Variants in BORCS5 observed in about 807,000 individuals in gnomAD.
The protein encoded by BORCS5 is BLOC-1-related complex subunit 5.
In BORCS5, 17 loss-of-function variants were observed where a neutral mutation model predicts 22.1. The observed-to-expected ratio is 0.77, with a 90% CI of 0.53 to 1.15. BORCS5 has a LOEUF of 1.15. Ranked by LOEUF, BORCS5 falls within the 50% of genes most tolerant of loss-of-function variation. The pLI, the probability that BORCS5 is intolerant of heterozygous loss-of-function variation, is 0.00. For missense variants in BORCS5, 247 were observed against 253.2 expected (o/e 0.98, Z 0.17); for synonymous variants, 117 against 99.8 (o/e 1.17, Z -1.03).
intron 2 of BORCS5, among the ~76,000 whole-genome samples, chr12:12,434,013 G>C (rs1942495704): frequency 6.6e-6 from 1 of 151,986 alleles, no homozygotes; most frequent in African/African-American, 2.4e-5. Flanking sequence ...GTGAGGAAGG[G>C]TTCCCAAGAT....
intron 2 of BORCS5, among the ~76,000 whole-genome samples, chr12:12,372,198 C>T (rs1394688394): frequency 6.6e-6 from 1 of 152,148 alleles, no homozygotes; most frequent in Non-Finnish European, 1.5e-5. Context: ...CGCCACCATG[C>T]CCAGCTAATT....
At position 12,465,783 on chromosome 12, in the gene BORCS5, C is replaced by T. The variant is rs1247832369; in HGVS notation, c.*7C>T. On this transcript the variant is annotated 3_prime_UTR_variant, in exon 4 of 4. Coordinates refer to ENST00000314565, the MANE Select transcript of BORCS5 (RefSeq NM_058169.6). ...CCGCGAGCTCAGGCTGTAGCTGCTGCCCGGCCTGCCTGGGGCTGGGAGCCC... is the reference window on the plus strand; with the variant it reads ...CCGCGAGCTCAGGCTGTAGCTGCTGTCCGGCCTGCCTGGGGCTGGGAGCCC... The T allele has an allele frequency of 6.2e-7, 1 of 1,606,618 alleles. No homozygotes were observed. The highest frequency in any genetic ancestry group is 8.5e-7 in the Non-Finnish European group (1 of 1,177,282).
At chr12:12,373,630 A>T (rs994740096) in intron 2 of BORCS5, among the ~76,000 whole-genome samples, 2 of 152,084 alleles carry the variant, frequency 1.3e-5, no homozygotes, top group African/African-American at 4.8e-5. Context: ...TACTTATAAG[A>T]CCCTCCTGCC....
At chr12:12,457,586 G>A (rs1469362077) in intron 3 of BORCS5, among the ~76,000 whole-genome samples, 4 of 152,116 alleles carry the variant, frequency 2.6e-5, no homozygotes, top group African/African-American at 7.2e-5. Context: ...GGAGAATGGC[G>A]TGAACCCCGG....
chr12:12,452,942 G>A (rs1414813706), intron 3 of BORCS5, among the ~76,000 whole-genome samples: 5 of 152,166 alleles, frequency 3.3e-5, no homozygotes, highest in Non-Finnish European at 7.3e-5. Context: ...GAGGTGGCAG[G>A]TGGGCTAGAA....
chr12:12,468,330 G>C lies in BORCS5; in HGVS notation c.*2554G>C, dbSNP rs941587677. On this transcript the variant is annotated 3_prime_UTR_variant, in exon 4 of 4. Transcript: ENST00000314565. ...TGGAACCTGGGAGTCTGAGTGATTT[G>C]TATTTCAAGAAGCAGTTATGCTGGA... The C allele has an allele frequency of 6.6e-6, 1 of 152,194 alleles. No homozygotes were observed. The highest frequency in any genetic ancestry group is 2.4e-5 in the African/African-American group (1 of 41,430). 9.4% of individuals were successfully genotyped at this position (152,194 alleles called of 1,614,324 possible).
At chr12:12,369,928 T>C (rs1202889762) in intron 2 of BORCS5, among the ~76,000 whole-genome samples, 2 of 151,760 alleles carry the variant, frequency 1.3e-5, no homozygotes, top group African/African-American at 4.8e-5. Flanking sequence ...TGTCACCATG[T>C]TGGTCAGGCT....
intron 2 of BORCS5, among the ~76,000 whole-genome samples, chr12:12,423,587 T>C (rs1255318106): frequency 1.3e-5 from 2 of 152,008 alleles, no homozygotes; most frequent in East Asian, 3.9e-4. Flanking sequence ...TACCACCTTA[T>C]GGCCCCCTAG....
At position 12,377,391 on chromosome 12, in the gene BORCS5, C is replaced by T. The variant is rs139008647; in HGVS notation, c.202+16042C>T. ...GATGGTTTTCACCATGTTGGCCAGG[C>T]TGGTCTCAAACTCCTGACCTCAGGT... On this transcript the variant is annotated intron_variant, in intron 2 of 3. Transcript: ENST00000314565. 9.3e-3 allele frequency among the ~76,000 whole-genome samples: 1,422 copies of T among 152,108 alleles called. 81 individuals carry two copies. In the East Asian group the frequency reaches 0.16, roughly 17 times the overall value.
intron 2 of BORCS5, among the ~76,000 whole-genome samples, chr12:12,427,733 G>A (rs575285871): frequency 1.1e-4 from 17 of 152,234 alleles, no homozygotes; most frequent in East Asian, 1.9e-4. Context: ...TCAAGGTGCC[G>A]GCAGATTTGC....
chr12:12,362,844 T>C (rs201069099), intron 2 of BORCS5, among the ~76,000 whole-genome samples: 2 of 150,382 alleles, frequency 1.3e-5, no homozygotes, highest in Non-Finnish European at 2.9e-5. Context: ...TGAGATGGGG[T>C]TTCACCATGT....
intron 2 of BORCS5, among the ~76,000 whole-genome samples, chr12:12,430,274 C>T (rs1942389834): frequency 6.6e-6 from 1 of 151,348 alleles, no homozygotes. Flanking sequence ...CCTCAGCCTC[C>T]CGAGTAGCTG....
At position 12,424,410 on chromosome 12, in the gene BORCS5, A is replaced by G. The variant is rs1942226456; in HGVS notation, c.203-11218A>G. ...TTTTAGGTTTTCTGTCTCTTTATTG[A>G]TATTTTCCATTTGTTTATACATTGT... On this transcript the variant is annotated intron_variant, in intron 2 of 3. Transcript: ENST00000314565. Among the ~76,000 whole-genome samples, 3 of 151,804 alleles carry G rather than the reference A, an allele frequency of 2.0e-5. No homozygotes were observed. In the South Asian group the frequency reaches 6.2e-4, roughly 32 times the overall value.
intron 2 of BORCS5, among the ~76,000 whole-genome samples, chr12:12,419,053 A>G (rs1240072378): frequency 6.6e-6 from 1 of 151,628 alleles, no homozygotes; most frequent in Non-Finnish European, 1.5e-5. Flanking sequence ...TCTTTTTTTA[A>G]AATTATTATA....
intron 2 of BORCS5, among the ~76,000 whole-genome samples, chr12:12,388,561 T>C (rs1477877139): frequency 6.6e-6 from 1 of 151,258 alleles, no homozygotes; most frequent in African/African-American, 2.4e-5. Flanking sequence ...AAGTATATTA[T>C]TAATGAAACA....
intron 2 of BORCS5, among the ~76,000 whole-genome samples, chr12:12,368,091 C>T (rs1377947723): frequency 1.3e-5 from 2 of 152,156 alleles, no homozygotes; most frequent in South Asian, 4.1e-4. Flanking sequence ...TGGACAGGCT[C>T]TCATATACAT....
rs4763832 is a variant in BORCS5 at position 12,469,202 on chromosome 12, A to G, written c.*3426A>G. The G allele has an allele frequency of 0.32, 48,900 of 152,088 alleles. 9,634 individuals carry two copies. The highest frequency in any genetic ancestry group is 0.47 in the South Asian group (2,281 of 4,818). 9.4% of individuals were successfully genotyped at this position (152,088 alleles called of 1,614,324 possible). ...ACCCCATCTCTACTAAAAAAAATAC[A>G]GAAATTACCCGGGCATGGTGGCTGG... On this transcript the variant is annotated 3_prime_UTR_variant, in exon 4 of 4. Coordinates refer to ENST00000314565, the MANE Select transcript of BORCS5 (RefSeq NM_058169.6).
chr12:12,396,239 G>T (rs1276722686), intron 2 of BORCS5, among the ~76,000 whole-genome samples: 3 of 151,210 alleles, frequency 2.0e-5, no homozygotes, highest in African/African-American at 2.5e-5. Context: ...TGCCCGCCTC[G>T]GCCTCCCGAA....
At chr12:12,415,942 A>G (rs112284229) in intron 2 of BORCS5, among the ~76,000 whole-genome samples, 1 of 152,146 alleles carries the variant, frequency 6.6e-6, no homozygotes, top group Non-Finnish European at 1.5e-5. Flanking sequence ...CACCTGTGAA[A>G]CTATCAGTTC....
Sources: allele counts gnomAD v4.1 joint callset (sites outside exome capture counted in the v4.1 genomes callset), GRCh38; gene constraint gnomAD v4.1.1; transcripts MANE v1.5; gene names NCBI Gene and HGNC (gene_info 2026-07-23, HGNC 2026-07-21).